PRKN: variants seen among roughly 807,000 people sequenced by gnomAD.
PRKN encodes the protein parkin RBR E3 ubiquitin protein ligase, also known as E3 ubiquitin-protein ligase parkin.
Under a neutral mutation model 59.5 loss-of-function variants are expected in PRKN, and 56 were observed. The ratio of observed to expected loss-of-function variants is 0.94; its 90% confidence interval spans 0.76 to 1.18. PRKN has a LOEUF of 1.18. Among genes scored for constraint, PRKN ranks in the 50% most tolerant of loss-of-function variants. The pLI, the probability that PRKN is intolerant of heterozygous loss-of-function variation, is 0.00. For synonymous variants in PRKN, 250 were observed against 222.1 expected (o/e 1.13, Z -1.12); for missense variants, 657 against 596.4 (o/e 1.10, Z -1.06).
chr6:161,562,486 C>A lies in PRKN; in HGVS notation c.933+6869G>T, dbSNP rs1780493091. Among the ~76,000 whole-genome samples the A allele has an allele frequency of 6.6e-6, 1 of 152,184 alleles. No homozygotes were observed. Among genetic ancestry groups the A allele is most frequent in the South Asian group, 2.1e-4 (1 of 4,834 alleles). On this transcript the variant is annotated intron_variant, in intron 8 of 11. Transcript: ENST00000366898. This position sits in a 1 kb window ranked among gnomAD's most constrained non-coding sequence, Gnocchi z 4.3. The stretch of plus-strand genomic sequence containing the variant: ...TCCTTTCTTGGCTTCTTCTGAGAAT[C>A]CCCATGGGTTTAAAATTTCCTCTAC...
intron 1 of PRKN, among the ~76,000 whole-genome samples, chr6:162,720,227 A>G (rs1778881966): frequency 6.6e-6 from 1 of 152,114 alleles, no homozygotes; most frequent in Non-Finnish European, 1.5e-5. Context: ...CTAATCACCA[A>G]TTTTCCCCCT....
intron 2 of PRKN, among the ~76,000 whole-genome samples, chr6:162,436,531 C>A (rs543258554): frequency 4.0e-5 from 6 of 151,668 alleles, no homozygotes; most frequent in African/African-American, 1.4e-4. Flanking sequence ...AAGCTGGTGT[C>A]GAACTCCTGA....
At chr6:162,039,112 C>T (rs1251571971) in intron 5 of PRKN, among the ~76,000 whole-genome samples, 4 of 151,550 alleles carry the variant, frequency 2.6e-5, no homozygotes, top group Non-Finnish European at 2.9e-5. Context: ...GCAGAGATCG[C>T]GCCACTGCAC....
intron 7 of PRKN, among the ~76,000 whole-genome samples, chr6:161,638,595 G>A (rs1182837972): frequency 1.3e-5 from 2 of 152,134 alleles, no homozygotes; most frequent in African/African-American, 2.4e-5. Context: ...GTTTGACTAT[G>A]TCCCCACTCA....
At chr6:162,315,067 A>G (rs1269250826) in intron 2 of PRKN, among the ~76,000 whole-genome samples, 1 of 152,178 alleles carries the variant, frequency 6.6e-6, no homozygotes, top group Non-Finnish European at 1.5e-5. Context: ...ATGTTTTTTC[A>G]GACTTTAAAA....
chr6:162,033,076 A>T (rs1409159766), intron 5 of PRKN, among the ~76,000 whole-genome samples: 1 of 151,926 alleles, frequency 6.6e-6, no homozygotes, highest in Non-Finnish European at 1.5e-5. Flanking sequence ...TTTATTCCAG[A>T]CACTGGCTCC....
chr6:161,649,641 A>G (rs952406504), intron 7 of PRKN, among the ~76,000 whole-genome samples: 7 of 152,240 alleles, frequency 4.6e-5, no homozygotes, highest in African/African-American at 1.4e-4. Flanking sequence ...CTGAAGTAAT[A>G]TATTTCAAGG....
At chr6:161,925,319 C>T (rs1778928089) in intron 6 of PRKN, among the ~76,000 whole-genome samples, 1 of 152,084 alleles carries the variant, frequency 6.6e-6, no homozygotes, top group South Asian at 2.1e-4. Flanking sequence ...GGTGTGTAAT[C>T]CCAGCACTTT....
At chr6:162,179,321 C>T (rs1294246700) in intron 4 of PRKN, among the ~76,000 whole-genome samples, 1 of 152,192 alleles carries the variant, frequency 6.6e-6, no homozygotes, top group Non-Finnish European at 1.5e-5. Context: ...GATCATCAGC[C>T]CGAACCATGC....
At chr6:161,976,461 C>A (rs1313678494) in intron 5 of PRKN, among the ~76,000 whole-genome samples, 3 of 152,160 alleles carry the variant, frequency 2.0e-5, no homozygotes. Context: ...TGGAGTCCTG[C>A]CCATGAGTCC....
intron 3 of PRKN, among the ~76,000 whole-genome samples, chr6:162,229,128 C>T (rs1209039771): frequency 1.3e-5 from 2 of 152,178 alleles, no homozygotes; most frequent in African/African-American, 2.4e-5. Flanking sequence ...CAGATTTGTA[C>T]AGCAAATTGT....
intron 7 of PRKN, among the ~76,000 whole-genome samples, chr6:161,744,674 TC>T (rs1788339205): frequency 1.3e-5 from 2 of 152,232 alleles, no homozygotes; most frequent in Non-Finnish European, 2.9e-5. Flanking sequence ...CGTGGTCTAT[TC>T]CTTCACTGTA....
Position 162,262,656 on chromosome 6 carries a change from C to T in PRKN, c.281G>A (p.Gly94Asp). 2 of 1,613,736 alleles carry T rather than the reference C, an allele frequency of 1.2e-6. No homozygotes were observed. The highest frequency in any genetic ancestry group is 8.5e-7 in the Non-Finnish European group (1 of 1,179,998). The change falls in exon 3 of 12, where the codon GGC becomes GAC. Residue 94 changes from glycine to aspartate, a missense_variant. Gly to Asp is a moderately conservative substitution (Grantham distance 94, BLOSUM62 -1). Coordinates refer to ENST00000366898, the MANE Select transcript of PRKN (RefSeq NM_004562.3). ...CAAGCTCTGGGGCTCCCGCTCACAG[C>T]CTCCCGCCGCGTTTCTGGGGTCGTC... is the stretch of plus-strand genomic sequence containing the variant. Reference protein sequence around the residue: ...GGDDPRNAAGGCEREPQSLTR... With the variant: ...GGDDPRNAAGDCEREPQSLTR...
chr6:162,049,674 T>C (rs1402427599), intron 5 of PRKN, among the ~76,000 whole-genome samples: 1 of 152,232 alleles, frequency 6.6e-6, no homozygotes, highest in African/African-American at 2.4e-5. Flanking sequence ...TTCATTGTTG[T>C]TTGTTCCCTT....
intron 1 of PRKN, 69 bp downstream of exon 1, chr6:162,727,593 G>T: frequency 6.7e-7 from 1 of 1,502,634 alleles, no homozygotes; most frequent in East Asian, 2.4e-5. Flanking sequence ...GTCGGCCGAG[G>T]CGGGGCGTGG....
rs111691508 is a variant in PRKN, at chr6:162,713,061, GA to G, written c.7+14600del. 5.2e-3 allele frequency among the ~76,000 whole-genome samples: 789 copies of G among 152,300 alleles called. 7 individuals carry two copies. The highest frequency in any genetic ancestry group is 0.017 in the African/African-American group (721 of 41,568). The stretch of plus-strand genomic sequence containing the variant: ...CGGAAGGGTGATTTGAGATGTGAAA[GA>G]AAGTGAATAAGAAGTGCTACTAGAC... On this transcript the variant is annotated intron_variant, in intron 1 of 11. Coordinates refer to ENST00000366898, the MANE Select transcript of PRKN (RefSeq NM_004562.3).
intron 4 of PRKN, among the ~76,000 whole-genome samples, chr6:162,076,795 C>T (rs111467251): frequency 1.9e-4 from 29 of 152,106 alleles, no homozygotes; most frequent in African/African-American, 5.8e-4. Flanking sequence ...TTTGCTCTTG[C>T]AATGTACATG....
intron 9 of PRKN, among the ~76,000 whole-genome samples, chr6:161,464,575 T>C (rs981359980): frequency 1.3e-5 from 2 of 152,366 alleles, no homozygotes; most frequent in Non-Finnish European, 1.5e-5. Flanking sequence ...CACGCCCATC[T>C]GCAGTCAACA....
At chr6:161,806,669 A>G (rs182860628) in intron 6 of PRKN, among the ~76,000 whole-genome samples, 12 of 152,310 alleles carry the variant, frequency 7.9e-5, no homozygotes, top group Admixed American at 7.2e-4. Flanking sequence ...GAACACTCCA[A>G]TGCAGGATGC....
Sources: gnomAD v4.1 joint callset for allele counts (sites outside exome capture counted in the v4.1 genomes callset) on GRCh38, gnomAD v4.1.1 for gene constraint, Gnocchi (gnomAD v3.1) non-coding constraint, MANE v1.5 for transcripts, NCBI Gene and HGNC (gene_info 2026-07-23, HGNC 2026-07-21) for gene names.